RASEF: variants seen among roughly 807,000 people sequenced by gnomAD.
The protein encoded by RASEF is RAS and EF-hand domain containing.
A neutral mutation model predicts 90.1 loss-of-function variants in RASEF; 68 were observed. The observed-to-expected ratio is 0.75, with a 90% CI of 0.62 to 0.92. The LOEUF (loss-of-function observed/expected upper bound fraction) is 0.92, where lower values mean the gene tolerates loss of function less well. Among genes scored for constraint, RASEF ranks in the 40% least tolerant of loss-of-function variants. The pLI is 0.00. For missense variants in RASEF, 949 were observed against 937.2 expected (o/e 1.01, Z -0.16); for synonymous variants, 331 against 345.2 (o/e 0.96, Z 0.46).
chr9:82,982,000 T>C lies in RASEF; in HGVS notation c.*677A>G, dbSNP rs1007667816. The C allele has an allele frequency of 3.9e-5, 6 of 152,234 alleles. No homozygotes were observed. The highest frequency in any genetic ancestry group is 3.9e-4 in the Admixed American group (6 of 15,278). The allele number at this position is 152,234 out of a possible 1,614,324, so 9.4% of individuals were successfully genotyped here. A position where few individuals can be genotyped will look rare whatever the true frequency, so the allele number is the denominator to read the frequency against. ...TAAAAAATAGATATTTCTGTTTCCA[T>C]TTTTTAATCAAATTCTGTCCTTATT... On this transcript the variant is annotated 3_prime_UTR_variant, in exon 17 of 17. Transcript: ENST00000376447.
intron 14 of RASEF, among the ~76,000 whole-genome samples, chr9:82,995,141 T>C (rs528374720): frequency 2.0e-5 from 3 of 152,328 alleles, no homozygotes; most frequent in South Asian, 2.1e-4. Context: ...GTGATACCAA[T>C]GGCGGAAAAG....
chr9:83,063,101 C>T lies in RASEF; in HGVS notation c.-234G>A. On this transcript the variant is annotated 5_prime_UTR_variant, in exon 1 of 17. Coordinates refer to ENST00000376447, the MANE Select transcript of RASEF (RefSeq NM_152573.4). ...AACAGGTCCCGGGAGCGGTGGGGTG[C>T]GCCCGGGCTCCAGGCACCGCCAAGG... 2.1e-6 allele frequency: 1 copy of T among 469,706 alleles called. No individual in the cohort carries two copies. Among genetic ancestry groups the T allele is most frequent in the Non-Finnish European group, 3.7e-6 (1 of 272,910 alleles). 29.1% of individuals were successfully genotyped at this position (469,706 alleles called of 1,614,324 possible). A position where few individuals can be genotyped will look rare whatever the true frequency, so the allele number is the denominator to read the frequency against.
chr9:83,114,607 A>C, the RASEF span, among the ~76,000 whole-genome samples: 1 of 152,208 alleles, frequency 6.6e-6, no homozygotes, highest in Non-Finnish European at 1.5e-5. Flanking sequence ...CCTGAGAAAC[A>C]GAATGCATCC....
At chr9:83,145,962 G>C in the RASEF span, among the ~76,000 whole-genome samples, 1 of 151,834 alleles carries the variant, frequency 6.6e-6, no homozygotes, top group Non-Finnish European at 1.5e-5. Context: ...TTTATTTTAT[G>C]GGTCCTCATA....
rs539244455 is a variant in RASEF, at chr9:82,982,287, A to G, written c.*390T>C. The G allele has an allele frequency of 6.2e-6, 1 of 160,826 alleles. No individual in the cohort carries two copies. Among genetic ancestry groups the G allele is most frequent in the Admixed American group, 6.1e-5 (1 of 16,286 alleles). 10.0% of individuals were successfully genotyped at this position (160,826 alleles called of 1,614,324 possible). ...AATCCCTTCTTACTAGAACTTTAGTATCAAATATTTAAATGCTGACTTTGT... is the reference window on the plus strand; with the variant it reads ...AATCCCTTCTTACTAGAACTTTAGTGTCAAATATTTAAATGCTGACTTTGT... On this transcript the variant is annotated 3_prime_UTR_variant, in exon 17 of 17. Transcript: ENST00000376447.
chr9:83,188,648 A>G, the RASEF span, among the ~76,000 whole-genome samples: 1 of 152,318 alleles, frequency 6.6e-6, no homozygotes, highest in African/African-American at 2.4e-5. Context: ...AATGCACTGC[A>G]TTTGCACAAA....
rs756851607 is a variant in RASEF, at chr9:83,015,918, A to G, written c.670-18T>C. The G allele has an allele frequency of 2.9e-5, 45 of 1,566,136 alleles. No homozygotes were observed. The African/African-American group carries it at 5.7e-4, about 20-fold the overall frequency. On this transcript the variant is annotated intron_variant, in intron 3 of 16. Coordinates refer to ENST00000376447, the MANE Select transcript of RASEF (RefSeq NM_152573.4). ...CGTTTTTCCTAAAAGAAAAAAAAAT[A>G]TGTTGTTCATTTAAATAAGTTCACC...
At chr9:83,066,764 CAAAT>C (rs1434826011), upstream of RASEF, among the ~76,000 whole-genome samples, 2 of 152,216 alleles carry the variant, frequency 1.3e-5, no homozygotes, top group Non-Finnish European at 2.9e-5. Context: ...TTGTAAAACA[CAAAT>C]AAATTTTAGA....
At chr9:83,210,614 C>T in the RASEF span, among the ~76,000 whole-genome samples, 2 of 152,232 alleles carry the variant, frequency 1.3e-5, no homozygotes, top group African/African-American at 4.8e-5. Context: ...AACGATACCA[C>T]TTAGTGTCTG....
the RASEF span, among the ~76,000 whole-genome samples, chr9:83,205,847 C>A: frequency 6.6e-6 from 1 of 152,122 alleles, no homozygotes; most frequent in Admixed American, 6.5e-5. Context: ...TCGGCCTTTC[C>A]TCTCCACATT....
the RASEF span, among the ~76,000 whole-genome samples, chr9:83,166,585 G>A: frequency 8.1e-4 from 124 of 152,194 alleles, no homozygotes; most frequent in African/African-American, 2.6e-3. Context: ...AACATGTGGC[G>A]GTACGGTTTC....
At chr9:83,101,788 C>T in the RASEF span, among the ~76,000 whole-genome samples, 1 of 152,136 alleles carries the variant, frequency 6.6e-6, no homozygotes, top group Admixed American at 6.5e-5. Flanking sequence ...GGTCACAACA[C>T]TTTCATCAAT....
chr9:83,184,599 T>A, the RASEF span, among the ~76,000 whole-genome samples: 1 of 152,068 alleles, frequency 6.6e-6, no homozygotes, highest in African/African-American at 2.4e-5. Context: ...AAACTCAATC[T>A]TCACTTCAAA....
At chr9:83,139,035 A>G in the RASEF span, among the ~76,000 whole-genome samples, 1 of 152,122 alleles carries the variant, frequency 6.6e-6, no homozygotes, top group Non-Finnish European at 1.5e-5. Flanking sequence ...AAGTCTGGAA[A>G]TGGCAGCATT....
chr9:83,090,521 A>T, the RASEF span, among the ~76,000 whole-genome samples: 44 of 152,114 alleles, frequency 2.9e-4, no homozygotes, highest in African/African-American at 1.0e-3. Flanking sequence ...CTCCTGCCTC[A>T]GAGTCCTGAG....
At position 83,000,279 on chromosome 9, in the gene RASEF, G is replaced by A. The variant is rs1161256727; in HGVS notation, c.1613C>T (p.Ser538Leu). ...AAGTACAATCTTGTAAGCCTTCTGT[G>A]AGCTAAAAGATTTAGCGTTGTCATC... Reference protein sequence around the residue: ...LVDDNAKSFSSQKAYKIVLAG... With the variant: ...LVDDNAKSFSLQKAYKIVLAG... The change falls in exon 12 of 17, where the codon TCA (serine) becomes TTA (leucine). Residue 538 changes from serine (S) to leucine (L), a missense_variant. Transcript: ENST00000376447. 1.2e-6 allele frequency: 2 copies of A among 1,613,840 alleles called. No homozygotes were observed. Among genetic ancestry groups the A allele is most frequent in the Non-Finnish European group, 1.7e-6 (2 of 1,179,974 alleles).
Position 82,981,256 on chromosome 9 carries a change from T to A in RASEF, c.*1421A>T, listed in dbSNP as rs1030462787. 6.6e-5 allele frequency: 10 copies of A among 152,192 alleles called. No homozygotes were observed. 9.4% of individuals were successfully genotyped at this position (152,192 alleles called of 1,614,324 possible). On this transcript the variant is annotated 3_prime_UTR_variant, in exon 17 of 17. Coordinates refer to ENST00000376447, the MANE Select transcript of RASEF (RefSeq NM_152573.4). ...CTCAAGTGTTGACTCCTTTGGCTCT[T>A]AGAGGCATCTCAGTGGGGAGGTCTG...
chr9:83,113,503 A>G, the RASEF span, among the ~76,000 whole-genome samples: 1 of 152,248 alleles, frequency 6.6e-6, no homozygotes, highest in Non-Finnish European at 1.5e-5. Context: ...GGGGTCTGGC[A>G]GAATAGAGCC....
At chr9:83,023,127 T>C (rs556952724) in intron 2 of RASEF, among the ~76,000 whole-genome samples, 87 of 152,258 alleles carry the variant, frequency 5.7e-4, no homozygotes, top group African/African-American at 2.0e-3. Context: ...TGTGGCAAAG[T>C]GATGGTTATA....
Sources: allele counts gnomAD v4.1 joint callset (sites outside exome capture counted in the v4.1 genomes callset), GRCh38; gene constraint gnomAD v4.1.1; transcripts MANE v1.5; gene names NCBI Gene and HGNC (gene_info 2026-07-23, HGNC 2026-07-21).